The following LRP1B variants were observed in gnomAD, a reference collection of about 807,000 sequenced individuals.
LRP1B encodes the protein low-density lipoprotein receptor-related protein 1B.
Under a neutral mutation model 556.6 loss-of-function variants are expected in LRP1B, and 217 were observed. The ratio of observed to expected loss-of-function variants is 0.39; its 90% confidence interval spans 0.35 to 0.44. The LOEUF (loss-of-function observed/expected upper bound fraction) is 0.44. Among genes scored for constraint, LRP1B ranks in the 20% least tolerant of loss-of-function variants. The pLI, the probability that LRP1B is intolerant of heterozygous loss-of-function variation, is 1.00. For synonymous variants in LRP1B, 2,047 were observed against 1,865.8 expected, an observed-to-expected ratio of 1.10 and a Z score of -2.50; for missense variants, 5,053 against 5,620.8, an observed-to-expected ratio of 0.90 and a Z score of 3.23.
chr2:141,029,252 C>T (rs148301252), intron 11 of LRP1B, among the ~76,000 whole-genome samples: 3 of 152,148 alleles, frequency 2.0e-5, no homozygotes, highest in Non-Finnish European at 2.9e-5. Flanking sequence ...TGCGTGGAAC[C>T]CTTATGAGGT....
chr2:141,186,566 A>C (rs1305503833), intron 7 of LRP1B, among the ~76,000 whole-genome samples: 2 of 152,116 alleles, frequency 1.3e-5, no homozygotes, highest in Non-Finnish European at 1.5e-5. Context: ...ATGATTCATG[A>C]TTAAAAACAG....
chr2:140,444,229 A>C, intron 65 of LRP1B, 101 bp downstream of exon 65: 2 of 1,250,866 alleles, frequency 1.6e-6, no homozygotes, highest in Non-Finnish European at 2.2e-6. Context: ...TTTCTTTTCA[A>C]TTTATCTACA....
chr2:141,810,456 C>T (rs752768349), intron 1 of LRP1B, 55 bp from the exon 2 acceptor site: 44 of 1,579,684 alleles, frequency 2.8e-5, no homozygotes, highest in Middle Eastern at 1.7e-4. Flanking sequence ...ATGGGCAGAA[C>T]GAGCAGTACA....
At chr2:140,751,867 G>A (rs1688591551) in intron 35 of LRP1B, among the ~76,000 whole-genome samples, 1 of 151,974 alleles carries the variant, frequency 6.6e-6, no homozygotes, top group South Asian at 2.1e-4. Flanking sequence ...ACTATCATAG[G>A]GGTTTCAGAA....
intron 27 of LRP1B, among the ~76,000 whole-genome samples, chr2:140,860,822 C>T (rs182706796): frequency 6.6e-6 from 1 of 151,972 alleles, no homozygotes; most frequent in East Asian, 1.9e-4. Context: ...TGAGTGAGGA[C>T]ACAGAGAAAA....
chr2:140,381,663 G>A (rs1025654733), intron 67 of LRP1B, among the ~76,000 whole-genome samples: 1 of 151,908 alleles, frequency 6.6e-6, no homozygotes, highest in African/African-American at 2.4e-5. Context: ...AGGAGTTCGA[G>A]ACCAGTCTGG....
chr2:142,063,007 A>C (rs557252971), intron 1 of LRP1B, among the ~76,000 whole-genome samples: 8 of 151,140 alleles, frequency 5.3e-5, no homozygotes. Context: ...AAATTCAATA[A>C]ATATTAGAAA....
chr2:140,537,036 T>C (rs1019908201), intron 45 of LRP1B, among the ~76,000 whole-genome samples: 1 of 150,600 alleles, frequency 6.6e-6, no homozygotes, highest in Non-Finnish European at 1.5e-5. Flanking sequence ...CCAGGCATGG[T>C]GGCACGCGCC....
At chr2:140,353,271 A>T (rs1473011351) in intron 75 of LRP1B, among the ~76,000 whole-genome samples, 199 bp from the exon 76 acceptor site, 1 of 152,116 alleles carries the variant, frequency 6.6e-6, no homozygotes, top group Non-Finnish European at 1.5e-5. Flanking sequence ...AAGATTTATC[A>T]ATTGTCATTG....
intron 11 of LRP1B, 39 bp from the exon 12 acceptor site, chr2:141,020,141 C>T (rs762007056): frequency 2.9e-6 from 4 of 1,358,196 alleles, no homozygotes; most frequent in Non-Finnish European, 3.9e-6. Context: ...ATTGCTTTTA[C>T]AACTATAGTA....
Position 140,444,657 on chromosome 2 carries a change from G to A in LRP1B, c.10080C>T (p.Gly3360=), listed in dbSNP as rs2105305198. The A allele has an allele frequency of 6.2e-7, 1 of 1,613,556 alleles. No homozygotes were observed. The highest frequency in any genetic ancestry group is 1.1e-5 in the South Asian group (1 of 91,054). The change falls in exon 64 of 91, where the codon GGC becomes GGT. Residue 3360 remains glycine (G), a synonymous_variant. Coordinates refer to ENST00000389484, the MANE Select transcript of LRP1B (RefSeq NM_018557.3). ...AGAGTCCAGTCCCACACTGAAATCG[G>A]CCTGGCTGACATCTAAATTCAGCTA... ...DDCPEFRCQP[G]RFQCGTGLCA...
chr2:142,010,135 C>T (rs1010024396), intron 1 of LRP1B, among the ~76,000 whole-genome samples: 7 of 152,052 alleles, frequency 4.6e-5, no homozygotes, highest in Admixed American at 3.9e-4. Flanking sequence ...CTATATTTGT[C>T]ACAACTGAGG....
intron 12 of LRP1B, among the ~76,000 whole-genome samples, chr2:141,018,724 G>A (rs1573986838): frequency 6.6e-6 from 1 of 152,228 alleles, no homozygotes; most frequent in Non-Finnish European, 1.5e-5. Context: ...TTTGGACAGT[G>A]TGGAACAAAT....
intron 21 of LRP1B, among the ~76,000 whole-genome samples, chr2:140,921,485 C>T (rs908621079): frequency 2.0e-5 from 3 of 151,898 alleles, no homozygotes; most frequent in African/African-American, 7.2e-5. Context: ...GGCTCTTTGG[C>T]ATTAGAATTC....
At chr2:140,927,443 A>G (rs953531878) in intron 20 of LRP1B, among the ~76,000 whole-genome samples, 13 of 152,182 alleles carry the variant, frequency 8.5e-5, no homozygotes, top group African/African-American at 3.1e-4. Context: ...GCTCAGTTTT[A>G]TGATTGTACC....
intron 2 of LRP1B, among the ~76,000 whole-genome samples, chr2:141,518,242 A>C (rs888440532): frequency 3.3e-5 from 5 of 152,176 alleles, no homozygotes; most frequent in Non-Finnish European, 7.3e-5. Context: ...GTCCTCAGAC[A>C]GGCCCAAAAG....
chr2:140,951,948 A>G lies in LRP1B; in HGVS notation c.2888-8T>C. 1 of 1,601,284 alleles carries G rather than the reference A, an allele frequency of 6.2e-7. No homozygotes were observed. The highest frequency in any genetic ancestry group is 8.6e-7 in the Non-Finnish European group (1 of 1,168,280). On this transcript the variant is annotated splice_polypyrimidine_tract_variant and splice_region_variant and intron_variant, in intron 18 of 90. Transcript: ENST00000389484. ...GCTCACAAGTTGGGAATTCTGTGAAAGATATAAAAATGTCCAAAAGGTAAC... is the reference window on the plus strand; with the variant it reads ...GCTCACAAGTTGGGAATTCTGTGAAGGATATAAAAATGTCCAAAAGGTAAC...
chr2:140,955,565 T>C (rs1292675853), intron 18 of LRP1B, among the ~76,000 whole-genome samples: 1 of 151,810 alleles, frequency 6.6e-6, no homozygotes, highest in South Asian at 2.1e-4. Flanking sequence ...CTATATTTTA[T>C]CTTGGTAGTT....
intron 41 of LRP1B, among the ~76,000 whole-genome samples, chr2:140,665,211 T>C (rs905644186): frequency 6.6e-6 from 1 of 152,208 alleles, no homozygotes; most frequent in Non-Finnish European, 1.5e-5. Context: ...ATTACTTTTA[T>C]TCATAGAAAT....
Sources: gnomAD v4.1 joint callset for allele counts (sites outside exome capture counted in the v4.1 genomes callset) on GRCh38, gnomAD v4.1.1 for gene constraint, MANE v1.5 for transcripts, NCBI Gene and HGNC (gene_info 2026-07-23, HGNC 2026-07-21) for gene names.